Variants in BACH2 observed in about 807,000 individuals in gnomAD.
BACH2 encodes the protein BACH transcriptional regulator 2.
A neutral mutation model predicts 61.8 loss-of-function variants in BACH2; 5 were observed. The ratio of observed to expected loss-of-function variants is 0.08; its 90% CI spans 0.04 to 0.17. BACH2 has a LOEUF of 0.17. Ranked by LOEUF, BACH2 falls within the 10% of genes least tolerant of loss-of-function variation. The pLI is 1.00. For synonymous variants in BACH2, 446 were observed against 440.1 expected (o/e 1.01, Z -0.17); for missense variants, 824 against 1,091.1 (o/e 0.76, Z 3.45).
At chr6:90,131,550 C>T (rs1784081597) in intron 4 of BACH2, among the ~76,000 whole-genome samples, 1 of 152,204 alleles carries the variant, frequency 6.6e-6, no homozygotes, top group African/African-American at 2.4e-5. Context: ...GATAGGCAAG[C>T]TCCAGAAGGA....
chr6:90,286,180 A>G (rs1772010697), intron 1 of BACH2, among the ~76,000 whole-genome samples: 3 of 152,340 alleles, frequency 2.0e-5, no homozygotes, highest in South Asian at 4.1e-4. Flanking sequence ...AATAGTTACC[A>G]TATCGACCAC....
intron 7 of BACH2, among the ~76,000 whole-genome samples, chr6:89,947,642 T>C (rs1190740300): frequency 6.6e-6 from 1 of 152,006 alleles, no homozygotes; most frequent in East Asian, 1.9e-4. Flanking sequence ...CTCGGCTCAC[T>C]GCAAGCTCCG....
chr6:90,285,229 T>G (rs190889328), intron 1 of BACH2, among the ~76,000 whole-genome samples: 33 of 152,344 alleles, frequency 2.2e-4, no homozygotes, highest in Non-Finnish European at 3.5e-4. Context: ...GTCAAGTTTT[T>G]TGTTTTGTTT....
chr6:89,942,791 G>C (rs572242880), intron 7 of BACH2, among the ~76,000 whole-genome samples: 15 of 152,350 alleles, frequency 9.8e-5, no homozygotes, highest in Admixed American at 9.8e-4. Context: ...CAGGGCACCA[G>C]AGGCCTGTGC....
At chr6:89,977,386 T>C (rs1465277617) in intron 6 of BACH2, among the ~76,000 whole-genome samples, 3 of 152,206 alleles carry the variant, frequency 2.0e-5, no homozygotes, top group Middle Eastern at 3.2e-3. Context: ...CCAGCTTGGA[T>C]TAATAACTAC....
chr6:90,074,568 A>C (rs1469026230), intron 5 of BACH2, among the ~76,000 whole-genome samples: 2 of 152,218 alleles, frequency 1.3e-5, no homozygotes, highest in East Asian at 1.9e-4. Flanking sequence ...ATGCAAAAAC[A>C]GAAGTACTTA....
chr6:90,235,784 T>G (rs1770241840), intron 3 of BACH2, among the ~76,000 whole-genome samples: 1 of 152,182 alleles, frequency 6.6e-6, no homozygotes, highest in Non-Finnish European at 1.5e-5. Flanking sequence ...ATTTAGTAAG[T>G]TCTAATATTG....
At chr6:90,256,255 C>G (rs1299881248) in intron 2 of BACH2, among the ~76,000 whole-genome samples, 3 of 152,162 alleles carry the variant, frequency 2.0e-5, no homozygotes, top group Admixed American at 2.0e-4. Context: ...CGTTTTCCAG[C>G]CTCCTTTGCA....
chr6:90,251,748 GCTT>G (rs953857062), intron 3 of BACH2, among the ~76,000 whole-genome samples: 9 of 152,138 alleles, frequency 5.9e-5, no homozygotes, highest in Admixed American at 2.0e-4. Context: ...GGAAGTAAAA[GCTT>G]CTAATAGGAG....
intron 4 of BACH2, among the ~76,000 whole-genome samples, chr6:90,093,807 C>T (rs1036313812): frequency 1.3e-5 from 2 of 152,118 alleles, no homozygotes; most frequent in East Asian, 1.9e-4. Flanking sequence ...TGGCATTTTG[C>T]GGCTAGATTG....
In BACH2 at chr6:90,048,115, GTCTT is replaced by G. The variant is rs551597216; in HGVS notation, c.-12-39263_-12-39260del. ...TAACCGAGATTAGTTTCAGGTCTAGGTCTTTCTATTTTTTTTTTATTTATATATT... is the reference window on the plus strand; with the variant it reads ...TAACCGAGATTAGTTTCAGGTCTAGGTCTATTTTTTTTTTATTTATATATT... On this transcript the variant is annotated intron_variant, in intron 5 of 8. Transcript: ENST00000257749. 2.1e-3 allele frequency among the ~76,000 whole-genome samples: 319 copies of G among 150,694 alleles called. 2 individuals are homozygous for G. The highest frequency in any genetic ancestry group is 5.8e-3 in the South Asian group (28 of 4,802).
intron 6 of BACH2, among the ~76,000 whole-genome samples, chr6:89,965,487 G>A (rs1172985646): frequency 6.6e-6 from 1 of 152,152 alleles, no homozygotes; most frequent in African/African-American, 2.4e-5. Context: ...TTGGTATTAT[G>A]AGTTAAGCAA....
At chr6:90,214,147 A>G (rs1345226525) in intron 3 of BACH2, among the ~76,000 whole-genome samples, 2 of 152,228 alleles carry the variant, frequency 1.3e-5, no homozygotes, top group African/African-American at 2.4e-5. Flanking sequence ...ATGTTTGCCA[A>G]TAGTGCACGT....
In BACH2 at chr6:90,122,591, A is replaced by T. The variant is rs191810058; in HGVS notation, c.-161-33482T>A. On this transcript the variant is annotated intron_variant, in intron 4 of 8. Transcript: ENST00000257749. Reference sequence around the variant, plus strand: ...AATAATAGACTTACTATGACATTTTAAAAAAATTTCTACTGAGACATTAGT... The same window carrying T: ...AATAATAGACTTACTATGACATTTTTAAAAAATTTCTACTGAGACATTAGT... Among the ~76,000 whole-genome samples the T allele has an allele frequency of 6.6e-4, 100 of 152,326 alleles. No individual in the cohort carries two copies. In the East Asian group the frequency reaches 0.012, roughly 18 times the overall value.
intron 3 of BACH2, among the ~76,000 whole-genome samples, chr6:90,218,485 C>CCTCCTCTTT (rs1399863880): frequency 2.6e-5 from 4 of 151,670 alleles, no homozygotes; most frequent in African/African-American, 9.7e-5. Flanking sequence ...CTTCCCCCAC[C>CCTCCTCTTT]CTCCTCTTTT....
intron 3 of BACH2, among the ~76,000 whole-genome samples, chr6:90,239,328 C>A (rs999271088): frequency 6.6e-6 from 1 of 152,134 alleles, no homozygotes; most frequent in East Asian, 1.9e-4. Flanking sequence ...ATGAATTCAG[C>A]AACAATCTTG....
chr6:90,015,294 T>C (rs1446701253), intron 5 of BACH2, among the ~76,000 whole-genome samples: 1 of 152,146 alleles, frequency 6.6e-6, no homozygotes, highest in Non-Finnish European at 1.5e-5. Flanking sequence ...ATTCTCATTG[T>C]TATATCCTTT....
chr6:90,205,768 A>C (rs1413389895), intron 4 of BACH2, among the ~76,000 whole-genome samples: 1 of 151,878 alleles, frequency 6.6e-6, no homozygotes, highest in East Asian at 1.9e-4. Flanking sequence ...CCTCCTCTAC[A>C]CTGTCTTTCC....
intron 5 of BACH2, among the ~76,000 whole-genome samples, chr6:90,042,748 C>A (rs750887667): frequency 6.6e-6 from 1 of 152,142 alleles, no homozygotes; most frequent in Non-Finnish European, 1.5e-5. Flanking sequence ...ACATACATAC[C>A]TATAATCTTT....
Sources: allele counts gnomAD v4.1 joint callset (sites outside exome capture counted in the v4.1 genomes callset), GRCh38; gene constraint gnomAD v4.1.1; transcripts MANE v1.5; gene names NCBI Gene and HGNC (gene_info 2026-07-23, HGNC 2026-07-21).